The following GABBR2 variants were observed in gnomAD, a reference collection of about 807,000 sequenced individuals.
GABBR2 encodes G-protein coupled receptor 51.
Under a neutral mutation model 105.6 loss-of-function variants are expected in GABBR2, and 23 were observed. The ratio of observed to expected loss-of-function variants is 0.22; its 90% CI spans 0.16 to 0.31. The LOEUF (loss-of-function observed/expected upper bound fraction) is 0.31. Ranked by LOEUF, GABBR2 falls within the 10% of genes least tolerant of loss-of-function variation. The pLI, the probability that GABBR2 is intolerant of heterozygous loss-of-function variation, is 1.00. For synonymous variants in GABBR2, 478 were observed against 499.7 expected (o/e 0.96, Z 0.58); for missense variants, 734 against 1,245.5 (o/e 0.59, Z 6.18).
chr9:98,681,527 T>C (rs1830546625), intron 1 of GABBR2, among the ~76,000 whole-genome samples: 1 of 151,668 alleles, frequency 6.6e-6, no homozygotes, highest in South Asian at 2.1e-4. Context: ...GGCACATGTA[T>C]ACATATGTAA....
intron 1 of GABBR2, among the ~76,000 whole-genome samples, chr9:98,634,735 T>C (rs74933679): frequency 1.8e-3 from 276 of 152,224 alleles, no homozygotes; most frequent in Non-Finnish European, 3.0e-3. Context: ...TGGGAAATGA[T>C]AGACTATACT....
intron 7 of GABBR2, among the ~76,000 whole-genome samples, chr9:98,440,498 A>T (rs1478837454): frequency 1.3e-5 from 2 of 152,188 alleles, no homozygotes; most frequent in Middle Eastern, 3.4e-3. Context: ...CCAGTCCCTT[A>T]TAGTCCCCCA....
chr9:98,289,817 C>T lies in GABBR2; in HGVS notation c.*767G>A, dbSNP rs944338792. 6.5e-6 allele frequency: 1 copy of T among 152,736 alleles called. No homozygotes were observed. Among genetic ancestry groups the T allele is most frequent in the Admixed American group, 6.5e-5 (1 of 15,292 alleles). 9.5% of individuals were successfully genotyped at this position (152,736 alleles called of 1,614,324 possible). On this transcript the variant is annotated 3_prime_UTR_variant, in exon 19 of 19. Coordinates refer to ENST00000259455, the MANE Select transcript of GABBR2 (RefSeq NM_005458.8). ...CATGGCCAACGTGGTGGGTGCATGA[C>T]AGACTGTCGGTGAATGCTGCAGAGC...
intron 13 of GABBR2, among the ~76,000 whole-genome samples, chr9:98,360,241 G>A (rs1390173348): frequency 6.6e-6 from 1 of 152,128 alleles, no homozygotes; most frequent in Non-Finnish European, 1.5e-5. Context: ...TGGGCACACT[G>A]TTCAACTACC....
intron 13 of GABBR2, among the ~76,000 whole-genome samples, chr9:98,345,848 TAA>T (rs1831294677): frequency 6.6e-6 from 1 of 152,196 alleles, no homozygotes; most frequent in Non-Finnish European, 1.5e-5. Flanking sequence ...ACCACTGCAA[TAA>T]AGTGGATATC....
At chr9:98,457,769 C>A (rs1294491532) in intron 6 of GABBR2, among the ~76,000 whole-genome samples, 1 of 152,154 alleles carries the variant, frequency 6.6e-6, no homozygotes, top group Non-Finnish European at 1.5e-5. Context: ...TGTTCCCAGG[C>A]GATGCCAGCA....
In GABBR2 at chr9:98,306,124, C is replaced by T. The variant is rs79435794; in HGVS notation, c.2226G>A (p.Pro742=). The T allele has an allele frequency of 4.3e-5, 69 of 1,612,174 alleles. No homozygotes were observed. In the East Asian group the frequency reaches 9.4e-4, roughly 22 times the overall value. Residue 742 remains proline, a synonymous_variant, in exon 15 of 19, where the codon CCG becomes CCA. Transcript: ENST00000259455. This position sits in a 1 kb window ranked among gnomAD's most constrained non-coding sequence, Gnocchi z 5.4. ...GTGGTGGGGCCAGCGCCTGTACCTT[C>T]GGCACGAATACCAGGCAGAGGGTGA... is the stretch of plus-strand genomic sequence containing the variant. ...STITLCLVFV[P]KLITLRTNPD... is the part of the protein sequence containing the mutation.
intron 3 of GABBR2, among the ~76,000 whole-genome samples, chr9:98,502,957 C>T (rs1827434420): frequency 6.6e-6 from 1 of 152,188 alleles, no homozygotes; most frequent in South Asian, 2.1e-4. Flanking sequence ...ATTGACATCT[C>T]TTCTGTTTCA....
At chr9:98,294,780 A>G (rs2131337733) in intron 17 of GABBR2, among the ~76,000 whole-genome samples, 1 of 152,306 alleles carries the variant, frequency 6.6e-6, no homozygotes, top group Non-Finnish European at 1.5e-5. Context: ...GCCCAGCCAC[A>G]ACCTCAGCAT....
chr9:98,545,453 T>G (rs921575968), intron 2 of GABBR2, among the ~76,000 whole-genome samples: 2 of 152,186 alleles, frequency 1.3e-5, no homozygotes, highest in Non-Finnish European at 2.9e-5. Flanking sequence ...ACTGCTGGAC[T>G]TCAAAACTAA....
intron 15 of GABBR2, chr9:98,304,434 G>A (rs960020492): frequency 2.6e-5 from 4 of 152,440 alleles, no homozygotes; most frequent in East Asian, 1.9e-4. Context: ...GCTATTGGGC[G>A]TAACAGAGCA....
intron 11 of GABBR2, among the ~76,000 whole-genome samples, chr9:98,374,666 G>A (rs1831841454): frequency 6.6e-6 from 1 of 152,148 alleles, no homozygotes; most frequent in South Asian, 2.1e-4. Context: ...GCTTCCCTAG[G>A]CAGCATTTCA....
intron 1 of GABBR2, among the ~76,000 whole-genome samples, chr9:98,665,514 G>A (rs7865785): frequency 0.11 from 17,330 of 152,026 alleles, 1,120 homozygotes; most frequent in African/African-American, 0.17. Flanking sequence ...AGCACAAGCA[G>A]CCCTAACAAT....
At chr9:98,620,247 T>TTTC (rs1829649735) in intron 1 of GABBR2, among the ~76,000 whole-genome samples, 1 of 146,508 alleles carries the variant, frequency 6.8e-6, no homozygotes, top group South Asian at 2.2e-4. Context: ...TTTTCTCTCT[T>TTTC]TCTCTCTCTC....
intron 15 of GABBR2, 51 bp from the exon 16 acceptor site, chr9:98,303,474 C>T: frequency 6.7e-7 from 1 of 1,496,366 alleles, no homozygotes; most frequent in Non-Finnish European, 9.2e-7. Flanking sequence ...TTGAGTCCTT[C>T]CTCCCATCCC....
In GABBR2 at chr9:98,708,468, G is replaced by C. The variant is rs752196377; in HGVS notation, c.270C>G (p.Asn90Lys). ...GGAAGTAGGGGCGCAGGAGTGACTC[G>C]TTGCGGATCTGCTCGATGGCCAGTT... ...AVELAIEQIRNESLLRPYFLD... is the reference protein window; with the variant it reads ...AVELAIEQIRKESLLRPYFLD... Residue 90 changes from asparagine (N) to lysine (K), a missense_variant, in exon 1 of 19, where the codon AAC becomes AAG. Asn to Lys is a moderately conservative substitution (Grantham distance 94, BLOSUM62 0). Transcript: ENST00000259455. 2.5e-6 allele frequency: 4 copies of C among 1,580,770 alleles called. No homozygotes were observed. Among genetic ancestry groups the C allele is most frequent in the Non-Finnish European group, 3.4e-6 (4 of 1,162,280 alleles).
chr9:98,572,459 CA>C (rs1428357361), intron 2 of GABBR2, among the ~76,000 whole-genome samples: 2 of 152,192 alleles, frequency 1.3e-5, no homozygotes, highest in Admixed American at 1.3e-4. Context: ...TTCAATTACA[CA>C]AATTCCATGC....
At chr9:98,293,965 G>C in intron 17 of GABBR2, 63 bp from the exon 18 acceptor site, 1 of 976,298 alleles carries the variant, frequency 1.0e-6, no homozygotes, top group East Asian at 2.4e-5. Context: ...AATCAACAAT[G>C]CAACTTTTTG....
intron 1 of GABBR2, among the ~76,000 whole-genome samples, chr9:98,694,251 C>T (rs548208128): frequency 9.8e-5 from 15 of 152,302 alleles, no homozygotes; most frequent in African/African-American, 3.1e-4. Context: ...GTCTAGGCCC[C>T]GCTGATGGCC....
Sources: allele counts gnomAD v4.1 joint callset (sites outside exome capture counted in the v4.1 genomes callset), GRCh38; gene constraint gnomAD v4.1.1; non-coding constraint Gnocchi (gnomAD v3.1); transcripts MANE v1.5; gene names NCBI Gene and HGNC (gene_info 2026-07-23, HGNC 2026-07-21).